CLSTN3: variants seen among roughly 807,000 people sequenced by gnomAD.
CLSTN3 encodes the protein calsyntenin-3.
A neutral mutation model predicts 95.9 loss-of-function variants in CLSTN3; 36 were observed. That is an observed-to-expected ratio of 0.38 (90% CI 0.29 to 0.50). The LOEUF is 0.50. Ranked by LOEUF, CLSTN3 falls within the 20% of genes least tolerant of loss-of-function variation. The pLI, the probability that CLSTN3 is intolerant of heterozygous loss-of-function variation, is 0.95. For missense variants in CLSTN3, 1,084 were observed against 1,268.8 expected, an observed-to-expected ratio of 0.85 and a Z score of 2.21; for synonymous variants, 481 against 504.0, an observed-to-expected ratio of 0.95 and a Z score of 0.61.
At position 7,158,093 on chromosome 12, in the gene CLSTN3, C is replaced by T; in HGVS notation, c.*12C>T. 6.7e-7 allele frequency: 1 copy of T among 1,490,992 alleles called. No individual in the cohort carries two copies. The highest frequency in any genetic ancestry group is 1.3e-5 in the South Asian group (1 of 74,986). 92.4% of individuals were successfully genotyped at this position (1,490,992 alleles called of 1,614,324 possible). On this transcript the variant is annotated 3_prime_UTR_variant, in exon 18 of 18. Coordinates refer to ENST00000266546, the MANE Select transcript of CLSTN3 (RefSeq NM_014718.4). ...CACACCGCTACTAAGGCCTACACCTCTCCCCACGCAGAGGGGGAATTCTGC... is the reference window on the plus strand; with the variant it reads ...CACACCGCTACTAAGGCCTACACCTTTCCCCACGCAGAGGGGGAATTCTGC...
chr12:7,129,627 T>C, upstream of CLSTN3: 1 of 985,480 alleles, frequency 1.0e-6, no homozygotes, highest in Non-Finnish European at 1.2e-6. The surrounding 1 kb of genome is among the most constrained non-coding windows in gnomAD (Gnocchi z 5.5). Flanking sequence ...CAGCCCATGC[T>C]TTCCAGATGT....
chr12:7,141,935 G>A lies in CLSTN3; in HGVS notation c.1487-151G>A. The A allele has an allele frequency of 1.6e-6, 1 of 623,910 alleles. No homozygotes were observed. The highest frequency in any genetic ancestry group is 2.8e-4 in the Middle Eastern group (1 of 3,556). The allele number at this position is 623,910 out of a possible 1,614,324, so 38.6% of individuals were successfully genotyped here. On this transcript the variant is annotated intron_variant, in intron 9 of 17. Transcript: ENST00000266546. This position sits in a 1 kb window ranked among gnomAD's most constrained non-coding sequence, Gnocchi z 4.1. ...AAAAGAAGGGTTGGGGCTGAGCTGA[G>A]AGGTTGCAAGTTATACATGGGCAGG...
In CLSTN3 at chr12:7,130,397, G is replaced by C. The variant is rs1481254317; in HGVS notation, c.-252G>C. 3.5e-6 allele frequency: 5 copies of C among 1,435,592 alleles called. No individual in the cohort carries two copies. The highest frequency in any genetic ancestry group is 5.1e-5 in the East Asian group (2 of 39,564). 88.9% of individuals were successfully genotyped at this position (1,435,592 alleles called of 1,614,324 possible). ...TCCTGCAGTAGCGGGGTTGGGGTGG[G>C]AGTGAGAGAGTGAGGACGCTGGGCT... On this transcript the variant is annotated 5_prime_UTR_variant, in exon 1 of 18. Coordinates refer to ENST00000266546, the MANE Select transcript of CLSTN3 (RefSeq NM_014718.4).
chr12:7,135,617 C>T, intron 4 of CLSTN3, 82 bp downstream of exon 4: 3 of 1,469,188 alleles, frequency 2.0e-6, no homozygotes, highest in South Asian at 2.4e-5. Flanking sequence ...GTTGCATTCT[C>T]CACTTTTGCC....
upstream of CLSTN3, chr12:7,129,419 C>T (rs1212230522): frequency 5.9e-6 from 1 of 169,064 alleles, no homozygotes; most frequent in Non-Finnish European, 1.2e-5. The surrounding 1 kb of genome is among the most constrained non-coding windows in gnomAD (Gnocchi z 5.5). Flanking sequence ...AGTGGCATTC[C>T]AGACTCTTGG....
At chr12:7,155,900 G>A (rs776122082) in intron 16 of CLSTN3, 16 of 254,256 alleles carry the variant, frequency 6.3e-5, no homozygotes, top group Non-Finnish European at 9.3e-5. Context: ...CCTGGAGTGC[G>A]TGGCAGCTGA....
chr12:7,137,910 G>T lies in CLSTN3; in HGVS notation c.1211-45G>T. 2.1e-6 allele frequency: 3 copies of T among 1,427,584 alleles called. No individual in the cohort carries two copies. The highest frequency in any genetic ancestry group is 3.0e-6 in the Non-Finnish European group (3 of 1,013,602). The allele number at this position is 1,427,584 out of a possible 1,614,324, so 88.4% of individuals were successfully genotyped here. A position where few individuals can be genotyped will look rare whatever the true frequency, so the allele number is the denominator to read the frequency against. On this transcript the variant is annotated intron_variant, in intron 7 of 17. Transcript: ENST00000266546. This position sits in a 1 kb window ranked among gnomAD's most constrained non-coding sequence, Gnocchi z 4.4. ...TTCCTGCTGCTTTGAACTTGTTCTG[G>T]CCTCAGCCTCTGCACTTGACCCCAT...
Position 7,158,198 on chromosome 12 carries a change from C to T in CLSTN3, c.*117C>T. On this transcript the variant is annotated 3_prime_UTR_variant, in exon 18 of 18. Coordinates refer to ENST00000266546, the MANE Select transcript of CLSTN3 (RefSeq NM_014718.4). ...ACCAAGAGGGAGAGAGGCTTCAGAACCAGTCCTCCTTTCATTTCAAAACCC... is the reference window on the plus strand; with the variant it reads ...ACCAAGAGGGAGAGAGGCTTCAGAATCAGTCCTCCTTTCATTTCAAAACCC... 7.8e-7 allele frequency: 1 copy of T among 1,277,640 alleles called. No individual in the cohort carries two copies. 79.1% of individuals were successfully genotyped at this position (1,277,640 alleles called of 1,614,324 possible). A position where few individuals can be genotyped will look rare whatever the true frequency, so the allele number is the denominator to read the frequency against.
intron 1 of CLSTN3, chr12:7,132,761 C>T (rs1303551177): frequency 3.3e-6 from 2 of 598,366 alleles, no homozygotes; most frequent in Non-Finnish European, 6.0e-6. Context: ...TAGTGATCCC[C>T]TCCTCTTCAC....
chr12:7,129,173 G>A, upstream of CLSTN3: 1 of 281,182 alleles, frequency 3.6e-6, no homozygotes, highest in Non-Finnish European at 7.1e-6. The surrounding 1 kb of genome is among the most constrained non-coding windows in gnomAD (Gnocchi z 5.5). Flanking sequence ...CTCATTTCTG[G>A]CAGGCTTGGG....
intron 16 of CLSTN3, among the ~76,000 whole-genome samples, chr12:7,154,192 C>T (rs1028010722): frequency 1.3e-5 from 2 of 152,206 alleles, no homozygotes. Flanking sequence ...CCGCAAGGTG[C>T]TCCCTCCCTT....
chr12:7,141,387 T>A lies in CLSTN3; in HGVS notation c.1469T>A (p.Ile490Asn). Residue 490 changes from isoleucine to asparagine, a missense_variant, in exon 9 of 18, where the codon ATT becomes AAT. Ile to Asn is a moderately radical substitution (Grantham distance 149, BLOSUM62 -3). Coordinates refer to ENST00000266546, the MANE Select transcript of CLSTN3 (RefSeq NM_014718.4). The surrounding 1 kb of genome is among the most constrained non-coding windows in gnomAD (Gnocchi z 4.1). ...HPPRREPALM[I>N]GACWTEEKNK... The stretch of plus-strand genomic sequence containing the variant: ...CCCCGAAGGGAGCCTGCTCTCATGA[T>A]TGGGGCCTGCTGGACTGGTAAGCTT... 1 of 1,614,182 alleles carries A rather than the reference T, an allele frequency of 6.2e-7. No individual in the cohort carries two copies. Among genetic ancestry groups the A allele is most frequent in the Non-Finnish European group, 8.5e-7 (1 of 1,180,024 alleles).
intron 12 of CLSTN3, among the ~76,000 whole-genome samples, chr12:7,147,958 C>G (rs113973487): frequency 1.3e-5 from 2 of 152,196 alleles, no homozygotes; most frequent in African/African-American, 4.8e-5. Context: ...AGTTCAAGAC[C>G]AGCCTGGCCA....
rs745863693 is a variant in CLSTN3 at position 7,136,519 on chromosome 12, C to T, written c.928+128C>T. ...GTGTTTATCCATAGAGGTTGTGACA[C>T]GATTAGCATTTGCGGCCCAAAAGGC... On this transcript the variant is annotated intron_variant, in intron 6 of 17. Transcript: ENST00000266546. 111 of 994,536 alleles carry T rather than the reference C, an allele frequency of 1.1e-4. No individual in the cohort carries two copies. The African/African-American group carries it at 1.5e-3, about 14-fold the overall frequency. 61.6% of individuals were successfully genotyped at this position (994,536 alleles called of 1,614,324 possible).
At position 7,158,446 on chromosome 12, in the gene CLSTN3, G is replaced by T; in HGVS notation, c.*365G>T. The T allele has an allele frequency of 5.4e-6, 1 of 183,546 alleles. No homozygotes were observed. Among genetic ancestry groups the T allele is most frequent in the South Asian group, 1.5e-4 (1 of 6,624 alleles). The allele number at this position is 183,546 out of a possible 1,614,324, so 11.4% of individuals were successfully genotyped here. On this transcript the variant is annotated 3_prime_UTR_variant, in exon 18 of 18. Transcript: ENST00000266546. ...TGGCTGGGGCTGGGGCTGGGGGTGG[G>T]ATTGAAGGAAACCCTCTCCTCTCCC...
At position 7,157,564 on chromosome 12, in the gene CLSTN3, T is replaced by A; in HGVS notation, c.2603T>A (p.Val868Glu). The A allele has an allele frequency of 1.2e-6, 2 of 1,613,168 alleles. No individual in the cohort carries two copies. The highest frequency in any genetic ancestry group is 1.7e-6 in the Non-Finnish European group (2 of 1,179,658). ...GTGCTCATGGTCGTCCTGGGCCTGG[T>A]GCGCATCCATTCCCTTCACCGCCGC... The part of the protein sequence containing the change: ...FLVLMVVLGL[V>E]RIHSLHRRVS... Residue 868 changes from valine (V) to glutamate (E), a missense_variant, in exon 17 of 18, where the codon GTG becomes GAG. By Grantham distance (121) the Val-to-Glu change is moderately radical. Transcript: ENST00000266546. This position sits in a 1 kb window ranked among gnomAD's most constrained non-coding sequence, Gnocchi z 5.9.
At chr12:7,151,472 T>C (rs1939722724) in intron 16 of CLSTN3, among the ~76,000 whole-genome samples, 1 of 152,226 alleles carries the variant, frequency 6.6e-6, no homozygotes, top group African/African-American at 2.4e-5. Flanking sequence ...ATGATCTAAA[T>C]GATTTATAGG....
upstream of CLSTN3, chr12:7,129,674 A>G (rs1431109519): frequency 1.0e-6 from 1 of 985,298 alleles, no homozygotes; most frequent in African/African-American, 1.7e-5. The surrounding 1 kb of genome is among the most constrained non-coding windows in gnomAD (Gnocchi z 5.5). Context: ...CCTAAATAAT[A>G]TTGTGCCCCG....
In CLSTN3 at chr12:7,158,294, C is replaced by G; in HGVS notation, c.*213C>G. 1.9e-6 allele frequency: 1 copy of G among 530,176 alleles called. No individual in the cohort carries two copies. Among genetic ancestry groups the G allele is most frequent in the Non-Finnish European group, 3.2e-6 (1 of 309,360 alleles). The allele number at this position is 530,176 out of a possible 1,614,324, so 32.8% of individuals were successfully genotyped here. On this transcript the variant is annotated 3_prime_UTR_variant, in exon 18 of 18. Transcript: ENST00000266546. Reference sequence around the variant, plus strand: ...TCCCTCACTTCTGGGCTGTCATGCTCCTGGTGTGCCCCTTGCACTGGGGCT... The same window carrying G: ...TCCCTCACTTCTGGGCTGTCATGCTGCTGGTGTGCCCCTTGCACTGGGGCT...
Sources: gnomAD v4.1 joint callset for allele counts (sites outside exome capture counted in the v4.1 genomes callset) on GRCh38, gnomAD v4.1.1 for gene constraint, Gnocchi (gnomAD v3.1) non-coding constraint, MANE v1.5 for transcripts, NCBI Gene and HGNC (gene_info 2026-07-23, HGNC 2026-07-21) for gene names.